SGCD: variants seen among roughly 807,000 people sequenced by gnomAD.
The protein encoded by SGCD is sarcoglycan delta, also known as delta-sarcoglycan.
Under a neutral mutation model 36.6 loss-of-function variants are expected in SGCD, and 18 were observed. The observed-to-expected ratio is 0.49, with a 90% CI of 0.34 to 0.73. The LOEUF (loss-of-function observed/expected upper bound fraction) is 0.73. Ranked by LOEUF, SGCD falls within the 30% of genes least tolerant of loss-of-function variation. The pLI is 0.01. For synonymous variants in SGCD, 133 were observed against 130.6 expected, an observed-to-expected ratio of 1.02 and a Z score of -0.12; for missense variants, 387 against 346.7, an observed-to-expected ratio of 1.12 and a Z score of -0.92.
chr5:155,755,281 T>G, the SGCD span, among the ~76,000 whole-genome samples: 1 of 152,222 alleles, frequency 6.6e-6, no homozygotes, highest in African/African-American at 2.4e-5. Flanking sequence ...ATTAGTAATT[T>G]ATTGTGCCCT....
intron 3 of SGCD, among the ~76,000 whole-genome samples, chr5:156,355,535 G>A (rs1769452501): frequency 1.3e-5 from 2 of 151,908 alleles, no homozygotes; most frequent in African/African-American, 2.4e-5. Flanking sequence ...GTGAAGAGCT[G>A]TATTCAGGAA....
At chr5:156,523,857 C>T (rs1488310545) in intron 4 of SGCD, among the ~76,000 whole-genome samples, 1 of 151,506 alleles carries the variant, frequency 6.6e-6, no homozygotes, top group African/African-American at 2.4e-5. Flanking sequence ...CTTGCAGGTG[C>T]AGTACCTGGT....
intron 3 of SGCD, among the ~76,000 whole-genome samples, chr5:156,210,480 T>A (rs984264531): frequency 6.6e-5 from 10 of 151,844 alleles, no homozygotes; most frequent in Admixed American, 6.6e-4. Flanking sequence ...TAGAGACATA[T>A]GAACAACCCA....
chr5:155,749,563 T>C, the SGCD span, among the ~76,000 whole-genome samples: 1 of 152,208 alleles, frequency 6.6e-6, no homozygotes, highest in Non-Finnish European at 1.5e-5. Context: ...TGTGCACACA[T>C]TTGACAAGCA....
At chr5:156,251,735 C>G (rs1357200269) in intron 3 of SGCD, among the ~76,000 whole-genome samples, 3 of 151,946 alleles carry the variant, frequency 2.0e-5, no homozygotes, top group Non-Finnish European at 4.4e-5. Context: ...AGGATGGTCT[C>G]GATTTCTTGA....
intron 7 of SGCD, among the ~76,000 whole-genome samples, chr5:156,668,969 G>A (rs930480813): frequency 3.9e-5 from 6 of 152,092 alleles, no homozygotes; most frequent in South Asian, 4.2e-4. Context: ...TGGCTGGAGC[G>A]GAAAAAAGGG....
intron 3 of SGCD, among the ~76,000 whole-genome samples, chr5:156,431,256 G>A (rs867009): frequency 0.72 from 109,280 of 152,108 alleles, 40,517 homozygotes; most frequent in African/African-American, 0.91. Context: ...GTAGGGAGGG[G>A]TTGTGACTCT....
chr5:156,376,785 A>G (rs1370536696), intron 3 of SGCD, among the ~76,000 whole-genome samples: 5 of 152,148 alleles, frequency 3.3e-5, no homozygotes, highest in Admixed American at 2.6e-4. Flanking sequence ...CTCCAAATTT[A>G]CCAGGGAATT....
At chr5:156,258,104 A>C (rs1175492825) in intron 3 of SGCD, among the ~76,000 whole-genome samples, 2 of 152,202 alleles carry the variant, frequency 1.3e-5, no homozygotes, top group East Asian at 3.8e-4. Context: ...GAACAAAGTA[A>C]GCTTGTCACT....
intron 7 of SGCD, among the ~76,000 whole-genome samples, chr5:156,708,400 T>G (rs1216668479): frequency 6.6e-6 from 1 of 152,160 alleles, no homozygotes; most frequent in East Asian, 1.9e-4. Flanking sequence ...TTGTTTTATT[T>G]TGGTTTTGGT....
chr5:155,944,827 A>G (rs1401548688), intron 1 of SGCD, among the ~76,000 whole-genome samples: 2 of 152,084 alleles, frequency 1.3e-5, no homozygotes, highest in Non-Finnish European at 2.9e-5. Flanking sequence ...AACCTTTAGC[A>G]TATCTTTTTG....
intron 4 of SGCD, among the ~76,000 whole-genome samples, chr5:156,550,310 G>C (rs573539964): frequency 1.3e-5 from 2 of 152,320 alleles, no homozygotes; most frequent in South Asian, 2.1e-4. Flanking sequence ...GTGCAGAAGT[G>C]GAGGAAATGG....
At chr5:156,585,628 A>G (rs937518740) in intron 4 of SGCD, among the ~76,000 whole-genome samples, 2 of 152,162 alleles carry the variant, frequency 1.3e-5, no homozygotes, top group African/African-American at 4.8e-5. Context: ...TGGGTGAAGA[A>G]TTTGCTGTGA....
At chr5:156,690,083 C>T (rs1754053722) in intron 7 of SGCD, among the ~76,000 whole-genome samples, 1 of 152,170 alleles carries the variant, frequency 6.6e-6, no homozygotes, top group African/African-American at 2.4e-5. Flanking sequence ...AAGTGACTGT[C>T]TTCCAGACAC....
intron 3 of SGCD, among the ~76,000 whole-genome samples, chr5:156,362,838 A>G (rs1182556606): frequency 6.6e-6 from 1 of 152,172 alleles, no homozygotes. Flanking sequence ...TCCACTATCT[A>G]ATCAGGGAAT....
chr5:155,909,023 A>AAGAAGCATG (rs2113352555), intron 1 of SGCD, among the ~76,000 whole-genome samples: 1 of 152,236 alleles, frequency 6.6e-6, no homozygotes, highest in East Asian at 1.9e-4. Flanking sequence ...TAAAGGACAC[A>AAGAAGCATG]AGAAGCATGA....
intron 3 of SGCD, among the ~76,000 whole-genome samples, chr5:156,127,899 G>A (rs1762219809): frequency 9.4e-6 from 1 of 106,460 alleles, no homozygotes; most frequent in South Asian, 2.9e-4. Context: ...AGATCTCCTG[G>A]AACAAAAGCT....
intron 1 of SGCD, among the ~76,000 whole-genome samples, chr5:155,942,429 T>A (rs1259861046): frequency 1.3e-5 from 2 of 151,942 alleles, no homozygotes; most frequent in African/African-American, 4.8e-5. Flanking sequence ...GCATGAGGAA[T>A]TTGAAAACAG....
chr5:156,604,260 C>A (rs1000626119), intron 6 of SGCD, among the ~76,000 whole-genome samples: 28 of 151,742 alleles, frequency 1.8e-4, no homozygotes, highest in African/African-American at 6.3e-4. Flanking sequence ...TTTTTCATTT[C>A]TCCACTTTCA....
Sources: gnomAD v4.1 joint callset for allele counts (sites outside exome capture counted in the v4.1 genomes callset) on GRCh38, gnomAD v4.1.1 for gene constraint, MANE v1.5 for transcripts, NCBI Gene and HGNC (gene_info 2026-07-23, HGNC 2026-07-21) for gene names.